The following BCAS3 variants were observed in gnomAD, a reference collection of about 807,000 sequenced individuals.
BCAS3 encodes BCAS3 microtubule associated cell migration factor.
A neutral mutation model predicts 116.1 loss-of-function variants in BCAS3; 53 were observed. The ratio of observed to expected loss-of-function variants is 0.46; its 90% CI spans 0.37 to 0.57. BCAS3 has a LOEUF of 0.57. Ranked by LOEUF, BCAS3 falls within the 20% of genes least tolerant of loss-of-function variation. The pLI is 0.00. For missense variants in BCAS3, 917 were observed against 1,165.4 expected (o/e 0.79, Z 3.10); for synonymous variants, 391 against 408.2 (o/e 0.96, Z 0.51).
intron 7 of BCAS3, among the ~76,000 whole-genome samples, chr17:60,812,089 G>A (rs2048885585): frequency 6.6e-6 from 1 of 151,912 alleles, no homozygotes; most frequent in Non-Finnish European, 1.5e-5. Flanking sequence ...GTTTTCATAA[G>A]TTGTTTTATG....
intron 22 of BCAS3, among the ~76,000 whole-genome samples, chr17:61,089,908 A>G (rs985807048): frequency 6.6e-6 from 1 of 152,080 alleles, no homozygotes; most frequent in Non-Finnish European, 1.5e-5. Flanking sequence ...CTTAGGTACT[A>G]TTTCTTAAAG....
At chr17:60,735,195 C>T (rs1354567187) in intron 5 of BCAS3, among the ~76,000 whole-genome samples, 1 of 152,068 alleles carries the variant, frequency 6.6e-6, no homozygotes, top group African/African-American at 2.4e-5. Flanking sequence ...GCTGTAATTG[C>T]TTATCAATTC....
rs1024766854 is a variant in BCAS3 at position 61,032,690 on chromosome 17, C to T, written c.1638-1976C>T. Among the ~76,000 whole-genome samples the T allele has an allele frequency of 2.0e-5, 3 of 152,072 alleles. No homozygotes were observed. Among genetic ancestry groups the T allele is most frequent in the Admixed American group, 2.0e-4 (3 of 15,242 alleles). On this transcript the variant is annotated intron_variant, in intron 16 of 23. Transcript: ENST00000407086. This position sits in a 1 kb window ranked among gnomAD's most constrained non-coding sequence, Gnocchi z 4.6. ...TGGAGGTATGTTACTACAGTTGTGA[C>T]AGATGCAAGTATGAAGAGGTGAAAC...
At chr17:60,700,018 TAAA>T (rs1171893119) in intron 4 of BCAS3, among the ~76,000 whole-genome samples, 1 of 151,434 alleles carries the variant, frequency 6.6e-6, no homozygotes, top group African/African-American at 2.4e-5. Context: ...ACAAAAAAAT[TAAA>T]AAAGTAGCCA....
rs933292422 is a variant in BCAS3 at position 61,366,057 on chromosome 17, C to T, written c.2426-2270C>T. Among the ~76,000 whole-genome samples the T allele has an allele frequency of 6.6e-6, 1 of 151,786 alleles. No individual in the cohort carries two copies. The highest frequency in any genetic ancestry group is 2.1e-4 in the South Asian group (1 of 4,812). On this transcript the variant is annotated intron_variant, in intron 22 of 23. Transcript: ENST00000407086. The surrounding 1 kb of genome is among the most constrained non-coding windows in gnomAD (Gnocchi z 4.5). ...ACTCGGGAGGCTGAGACACGAGAAT[C>T]GCCTGGACCCAGGAGGCAGAGGTTG...
Position 61,324,628 on chromosome 17 carries a change from G to A in BCAS3, c.2426-43699G>A, listed in dbSNP as rs750294453. On this transcript the variant is annotated intron_variant, in intron 22 of 23. Transcript: ENST00000407086. This position sits in a 1 kb window ranked among gnomAD's most constrained non-coding sequence, Gnocchi z 4.6. ...CTGGGCCTGGGGTCAGCAGCCTGGC[G>A]TCCAGCCCTGCCAGCCACTAGCTGT... is the stretch of plus-strand genomic sequence containing the variant. Among the ~76,000 whole-genome samples, 5 of 152,152 alleles carry A rather than the reference G, an allele frequency of 3.3e-5. No individual in the cohort carries two copies. The highest frequency in any genetic ancestry group is 7.3e-5 in the Non-Finnish European group (5 of 68,028).
intron 22 of BCAS3, among the ~76,000 whole-genome samples, chr17:61,252,664 G>A (rs1334155676): frequency 6.6e-6 from 1 of 151,942 alleles, no homozygotes; most frequent in African/African-American, 2.4e-5. Context: ...GAGTGGCAGA[G>A]GTGAAAAGGG....
At chr17:60,694,194 T>TGAGGG (rs1426306318) in intron 4 of BCAS3, among the ~76,000 whole-genome samples, 178 of 151,764 alleles carry the variant, frequency 1.2e-3, no homozygotes, top group African/African-American at 4.1e-3. Flanking sequence ...CCAAACATTT[T>TGAGGG]AATTTTTAAA....
intron 5 of BCAS3, among the ~76,000 whole-genome samples, chr17:60,717,448 TC>T (rs1297825361): frequency 6.6e-6 from 1 of 151,988 alleles, no homozygotes; most frequent in Non-Finnish European, 1.5e-5. Context: ...ACCCCTGACC[TC>T]AAGTGATCTG....
At chr17:61,069,725 C>A in intron 19 of BCAS3, 1 of 580,430 alleles carries the variant, frequency 1.7e-6, no homozygotes, top group East Asian at 3.0e-5. Flanking sequence ...GTAATCCCAG[C>A]TACTCAGGAG....
intron 10 of BCAS3, among the ~76,000 whole-genome samples, chr17:60,900,601 G>T (rs1283175630): frequency 6.6e-6 from 1 of 152,056 alleles, no homozygotes; most frequent in Non-Finnish European, 1.5e-5. Context: ...CACTATTTTG[G>T]TTCTTCTAAG....
At chr17:61,003,697 G>C (rs2064442190) in intron 15 of BCAS3, 1 of 152,074 alleles carries the variant, frequency 6.6e-6, no homozygotes, top group African/African-American at 2.4e-5. Context: ...CCAAAACACT[G>C]ACCTCAGTGA....
chr17:60,849,699 C>G (rs2052890829), intron 7 of BCAS3, among the ~76,000 whole-genome samples: 1 of 152,106 alleles, frequency 6.6e-6, no homozygotes, highest in South Asian at 2.1e-4. Context: ...CCAGCACTTT[C>G]AGAGGTGCAT....
intron 7 of BCAS3, among the ~76,000 whole-genome samples, chr17:60,849,932 A>G (rs747690636): frequency 6.6e-5 from 10 of 151,848 alleles, no homozygotes; most frequent in Non-Finnish European, 1.3e-4. Flanking sequence ...CTGATTTTTT[A>G]TTTTTTGTAG....
intron 22 of BCAS3, among the ~76,000 whole-genome samples, chr17:61,109,969 T>C (rs1027702566): frequency 6.6e-6 from 1 of 152,210 alleles, no homozygotes; most frequent in Non-Finnish European, 1.5e-5. Context: ...TTTATCTTTG[T>C]TTTTGTTGCA....
At chr17:61,292,998 G>A (rs1348036448) in intron 22 of BCAS3, among the ~76,000 whole-genome samples, 3 of 152,074 alleles carry the variant, frequency 2.0e-5, no homozygotes, top group Non-Finnish European at 4.4e-5. Flanking sequence ...TATTTATGGG[G>A]GGTTATTCTT....
At chr17:61,127,870 C>T (rs1335604937) in intron 22 of BCAS3, among the ~76,000 whole-genome samples, 4 of 151,504 alleles carry the variant, frequency 2.6e-5, no homozygotes, top group African/African-American at 9.7e-5. Flanking sequence ...TACATATACA[C>T]ACGAATGCAT....
intron 22 of BCAS3, among the ~76,000 whole-genome samples, chr17:61,340,121 T>A (rs897217153): frequency 1.3e-5 from 2 of 152,232 alleles, no homozygotes; most frequent in Non-Finnish European, 2.9e-5. Flanking sequence ...AGACAGCAAG[T>A]CCAGACATCT....
At chr17:60,800,989 T>C (rs2047723748) in intron 6 of BCAS3, among the ~76,000 whole-genome samples, 1 of 152,160 alleles carries the variant, frequency 6.6e-6, no homozygotes. Flanking sequence ...TGAAATATGA[T>C]AGAGTGATTT....
Sources: gnomAD v4.1 joint callset for allele counts (sites outside exome capture counted in the v4.1 genomes callset) on GRCh38, gnomAD v4.1.1 for gene constraint, Gnocchi (gnomAD v3.1) non-coding constraint, MANE v1.5 for transcripts, NCBI Gene and HGNC (gene_info 2026-07-23, HGNC 2026-07-21) for gene names.